The following RCOR3 variants were observed in gnomAD, a reference collection of about 807,000 sequenced individuals.
RCOR3 encodes REST corepressor 3.
A neutral mutation model predicts 64.1 loss-of-function variants in RCOR3; 13 were observed. The observed-to-expected ratio is 0.20, with a 90% CI of 0.13 to 0.32. The LOEUF is 0.32. Among genes scored for constraint, RCOR3 ranks in the 10% least tolerant of loss-of-function variants. The probability of loss-of-function intolerance (pLI) is 1.00; values close to 1 mark genes in which losing one functional copy is unlikely to be tolerated. For missense variants in RCOR3, 489 were observed against 701.2 expected (o/e 0.70, Z 3.42); for synonymous variants, 215 against 239.0 (o/e 0.90, Z 0.93).
At chr1:211,308,597 GA>G (rs577497271) in intron 10 of RCOR3, among the ~76,000 whole-genome samples, 1 of 136,250 alleles carries the variant, frequency 7.3e-6, no homozygotes, top group Admixed American at 7.7e-5. Context: ...GTGAAAGCCA[GA>G]AAAAAAATCC....
intron 7 of RCOR3, among the ~76,000 whole-genome samples, chr1:211,282,375 A>C (rs144609119): frequency 1.3e-5 from 2 of 152,220 alleles, no homozygotes; most frequent in South Asian, 4.1e-4. Flanking sequence ...AACATATTAC[A>C]TAGAAAGTTT....
intron 9 of RCOR3, among the ~76,000 whole-genome samples, chr1:211,298,850 C>CA (rs1320572366): frequency 1.3e-5 from 2 of 151,946 alleles, no homozygotes; most frequent in East Asian, 1.9e-4. Flanking sequence ...ACTAAAAATA[C>CA]AAAAAAATTA....
chr1:211,266,595 C>G (rs1695236130), intron 2 of RCOR3, among the ~76,000 whole-genome samples: 2 of 152,092 alleles, frequency 1.3e-5, no homozygotes, highest in South Asian at 4.1e-4. Context: ...TTAATCTATT[C>G]AGAAGATAAG....
At chr1:211,267,731 A>G (rs972642425) in intron 2 of RCOR3, 2 of 280,958 alleles carry the variant, frequency 7.1e-6, no homozygotes, top group African/African-American at 2.3e-5. Flanking sequence ...AGTTGGGACT[A>G]CAGGTGCACA....
intron 10 of RCOR3, among the ~76,000 whole-genome samples, chr1:211,307,706 A>G (rs1384114292): frequency 6.6e-6 from 1 of 151,956 alleles, no homozygotes; most frequent in Non-Finnish European, 1.5e-5. Flanking sequence ...CCTCTTAAAT[A>G]TATTCATTTC....
chr1:211,265,496 T>C (rs1346749097), intron 2 of RCOR3, among the ~76,000 whole-genome samples: 1 of 152,188 alleles, frequency 6.6e-6, no homozygotes, highest in Non-Finnish European at 1.5e-5. Context: ...GGCAGGTGGA[T>C]CCCTTGAGGT....
At chr1:211,300,906 ATG>A (rs1700313172) in intron 9 of RCOR3, among the ~76,000 whole-genome samples, 1 of 151,828 alleles carries the variant, frequency 6.6e-6, no homozygotes, top group South Asian at 2.1e-4. Context: ...TCTAGTGTGT[ATG>A]CGTGCGTGCG....
chr1:211,268,765 T>C (rs905411411), intron 2 of RCOR3, among the ~76,000 whole-genome samples: 6 of 152,220 alleles, frequency 3.9e-5, no homozygotes, highest in Non-Finnish European at 8.8e-5. Context: ...TGTGTCCTTT[T>C]TTATTAAAGA....
At chr1:211,295,845 C>T in intron 9 of RCOR3, 92 bp downstream of exon 9, 1 of 819,092 alleles carries the variant, frequency 1.2e-6, no homozygotes, top group Non-Finnish European at 2.0e-6. Context: ...TCACATGCAT[C>T]ATTAATACTT....
intron 9 of RCOR3, among the ~76,000 whole-genome samples, chr1:211,297,799 A>C (rs1156995411): frequency 6.6e-6 from 1 of 152,166 alleles, no homozygotes; most frequent in African/African-American, 2.4e-5. Context: ...ACTTGAATAG[A>C]TGTGTTTCAG....
At chr1:211,278,688 CT>C (rs1697352367) in intron 6 of RCOR3, among the ~76,000 whole-genome samples, 1 of 152,028 alleles carries the variant, frequency 6.6e-6, no homozygotes, top group African/African-American at 2.4e-5. Flanking sequence ...TTTTAAATCC[CT>C]TTCCCACTGG....
At chr1:211,279,213 T>G (rs1205530870) in intron 6 of RCOR3, 25 bp from the exon 7 acceptor site, 1 of 1,447,860 alleles carries the variant, frequency 6.9e-7, no homozygotes, top group South Asian at 1.2e-5. Flanking sequence ...GGGAATTAAG[T>G]GTACTAATTT....
chr1:211,308,661 GTT>G (rs780896956), intron 10 of RCOR3, among the ~76,000 whole-genome samples: 19 of 27,494 alleles, frequency 6.9e-4, no homozygotes, highest in Non-Finnish European at 1.4e-3. Context: ...TTTTGGATGT[GTT>G]TTTTTTTTTG....
At chr1:211,280,319 T>G (rs773718054) in intron 7 of RCOR3, among the ~76,000 whole-genome samples, 3 of 152,328 alleles carry the variant, frequency 2.0e-5, no homozygotes, top group Non-Finnish European at 4.4e-5. Context: ...CATACTGGCC[T>G]TTCCACCGTG....
At chr1:211,302,072 T>G (rs908897678) in intron 9 of RCOR3, 1 of 152,194 alleles carries the variant, frequency 6.6e-6, no homozygotes, top group Admixed American at 6.5e-5. Flanking sequence ...CATTAATCCA[T>G]GTAATGCATG....
intron 8 of RCOR3, among the ~76,000 whole-genome samples, chr1:211,291,119 A>T (rs1049396888): frequency 6.6e-6 from 1 of 152,176 alleles, no homozygotes; most frequent in Non-Finnish European, 1.5e-5. Flanking sequence ...CAGTACAATA[A>T]GATATTTTGA....
rs1558050341 is a variant in RCOR3, at chr1:211,270,310, G to T, written c.224-922G>T. The stretch of plus-strand genomic sequence containing the variant: ...ACTCGTGACCTCAGGTGATCCGCCT[G>T]CCTTAGCCTCCCAAAGTGCTGGGAT... On this transcript the variant is annotated intron_variant, in intron 2 of 11. Coordinates refer to ENST00000419091, the MANE Select transcript of RCOR3 (RefSeq NM_001136223.3). Among the ~76,000 whole-genome samples, 3 of 152,208 alleles carry T rather than the reference G, an allele frequency of 2.0e-5. No individual in the cohort carries two copies. In the South Asian group the frequency reaches 6.2e-4, roughly 32 times the overall value.
chr1:211,288,519 A>T (rs12563823), intron 7 of RCOR3, among the ~76,000 whole-genome samples: 1 of 146,548 alleles, frequency 6.8e-6, no homozygotes. Flanking sequence ...AAATATATTT[A>T]TAATAAATTT....
chr1:211,269,631 G>T (rs1695812007), intron 2 of RCOR3, among the ~76,000 whole-genome samples: 6 of 151,984 alleles, frequency 3.9e-5, no homozygotes, highest in Admixed American at 3.3e-4. Flanking sequence ...TTCATTTGTT[G>T]GTAGTTTTAA....
Sources: allele counts gnomAD v4.1 joint callset (sites outside exome capture counted in the v4.1 genomes callset), GRCh38; gene constraint gnomAD v4.1.1; transcripts MANE v1.5; gene names NCBI Gene and HGNC (gene_info 2026-07-23, HGNC 2026-07-21).